Variants in VWF observed in about 807,000 individuals in gnomAD.
VWF encodes von Willebrand factor.
A neutral mutation model predicts 308.6 loss-of-function variants in VWF; 176 were observed. That is an observed-to-expected ratio of 0.57 (90% CI 0.50 to 0.65). The LOEUF is 0.65. VWF is among the 30% of genes least tolerant of loss of function. The pLI, the probability that VWF is intolerant of heterozygous loss-of-function variation, is 0.00. For missense variants in VWF, 3,146 were observed against 3,648.2 expected (o/e 0.86, Z 3.55); for synonymous variants, 1,385 against 1,443.4 (o/e 0.96, Z 0.92).
intron 17 of VWF, among the ~76,000 whole-genome samples, chr12:6,045,774 T>C (rs181426956): frequency 4.6e-5 from 7 of 152,294 alleles, no homozygotes; most frequent in Middle Eastern, 3.4e-3. Flanking sequence ...AAGCTGGAGA[T>C]TGAAGATAGC....
At chr12:6,001,070 C>T (rs149406151) in intron 34 of VWF, among the ~76,000 whole-genome samples, 68 of 152,076 alleles carry the variant, frequency 4.5e-4, no homozygotes, top group African/African-American at 1.3e-3. Context: ...TGGATAGCCA[C>T]AGGTAGAAGT....
chr12:6,059,108 A>G (rs1944627499), intron 13 of VWF, among the ~76,000 whole-genome samples: 1 of 152,188 alleles, frequency 6.6e-6, no homozygotes, highest in South Asian at 2.1e-4. Context: ...GCCCATAGAA[A>G]TCGAACCCAA....
At chr12:6,035,016 A>G (rs1167202690) in intron 19 of VWF, among the ~76,000 whole-genome samples, 190 bp from the exon 20 acceptor site, 1 of 152,142 alleles carries the variant, frequency 6.6e-6, no homozygotes, top group Non-Finnish European at 1.5e-5. Flanking sequence ...CCAGCAGGAG[A>G]CAGGGAAGCC....
intron 17 of VWF, among the ~76,000 whole-genome samples, chr12:6,045,185 A>G (rs1165502486): frequency 6.6e-6 from 1 of 152,204 alleles, no homozygotes; most frequent in Non-Finnish European, 1.5e-5. Context: ...ATCAATGGCT[A>G]ATTGGGTAAT....
chr12:6,017,670 G>A (rs1025130251), intron 28 of VWF, among the ~76,000 whole-genome samples: 19 of 152,082 alleles, frequency 1.2e-4, no homozygotes, highest in Admixed American at 1.1e-3. Flanking sequence ...AAGCAAGTAG[G>A]TGCTATTATT....
chr12:6,010,414 C>T (rs1224209602), intron 34 of VWF, among the ~76,000 whole-genome samples: 1 of 152,196 alleles, frequency 6.6e-6, no homozygotes. Flanking sequence ...TCCAGTTTTG[C>T]ACAACCACAT....
In VWF at chr12:6,020,556, A is replaced by G. The variant is rs114566093; in HGVS notation, c.3675-813T>C. Among the ~76,000 whole-genome samples the G allele has an allele frequency of 0.064, 9,748 of 152,324 alleles. 1,014 individuals are homozygous for G. The highest frequency in any genetic ancestry group is 0.22 in the African/African-American group (9,038 of 41,544). ...TCCTACACTACCATGCCAAATTTCC[A>G]GGCTCTGCTGGTAACATCACCTTTT... is the stretch of plus-strand genomic sequence containing the variant. On this transcript the variant is annotated intron_variant, in intron 27 of 51. Coordinates refer to ENST00000261405, the MANE Select transcript of VWF (RefSeq NM_000552.5). This position sits in a 1 kb window ranked among gnomAD's most constrained non-coding sequence, Gnocchi z 4.3.
rs758531765 is a variant in VWF at position 6,075,492 on chromosome 12, A to C, written c.717T>G (p.Pro239=). The change falls in exon 7 of 52, where the codon CCT becomes CCG. Residue 239 remains proline (P), a synonymous_variant. Transcript: ENST00000261405. This position sits in a 1 kb window ranked among gnomAD's most constrained non-coding sequence, Gnocchi z 4.7. ...KSTSVFARCH[P]LVDPEPFVAL... ...CCACAAAAGGCTCGGGGTCCACCAGAGGGTGGCAGCGGGCAAACACCGAGG... is the reference window on the plus strand; with the variant it reads ...CCACAAAAGGCTCGGGGTCCACCAGCGGGTGGCAGCGGGCAAACACCGAGG... 2 of 1,614,148 alleles carry C rather than the reference A, an allele frequency of 1.2e-6. No homozygotes were observed. Among genetic ancestry groups the C allele is most frequent in the South Asian group, 2.2e-5 (2 of 91,086 alleles).
chr12:6,056,780 G>A (rs1944583468), intron 15 of VWF, 77 bp downstream of exon 15: 1 of 1,229,040 alleles, frequency 8.1e-7, no homozygotes, highest in African/African-American at 1.6e-5. Context: ...AAACAACGCA[G>A]AGAAAGGGCT....
chr12:5,952,469 AT>A lies in VWF; in HGVS notation c.8036del (p.Asn2679MetfsTer31), dbSNP rs1943202705. ...DGCDTHFCKVNERGEYFWEKR... is the reference protein window; with the variant it reads ...DGCDTHFCKVXERGEYFWEKR... ...TCTCCCAGAAGTACTCTCCTCTCTCATTGACCTTGCAGAAGTGAGTATCACA... is the reference window on the plus strand; with the variant it reads ...TCTCCCAGAAGTACTCTCCTCTCTCATGACCTTGCAGAAGTGAGTATCACA... On this transcript the variant is annotated frameshift_variant, in exon 49 of 52. Coordinates refer to ENST00000261405, the MANE Select transcript of VWF (RefSeq NM_000552.5). LOFTEE classifies it high-confidence loss of function. 6.2e-7 allele frequency: 1 copy of A among 1,613,992 alleles called. No homozygotes were observed. Among genetic ancestry groups the A allele is most frequent in the African/African-American group, 1.3e-5 (1 of 74,920 alleles).
intron 3 of VWF, among the ~76,000 whole-genome samples, chr12:6,119,723 G>T (rs6489693): frequency 0.61 from 93,463 of 151,990 alleles, 29,024 homozygotes; most frequent in African/African-American, 0.67. Context: ...GCACCTGTAA[G>T]CCCAGCTACT....
Position 6,058,080 on chromosome 12 carries a change from C to T in VWF, c.1534-36G>A, listed in dbSNP as rs1426993716. 1 of 1,610,386 alleles carries T rather than the reference C, an allele frequency of 6.2e-7. No homozygotes were observed. The highest frequency in any genetic ancestry group is 8.5e-7 in the Non-Finnish European group (1 of 1,178,344). On this transcript the variant is annotated intron_variant, in intron 13 of 51. Transcript: ENST00000261405. This position sits in a 1 kb window ranked among gnomAD's most constrained non-coding sequence, Gnocchi z 4.9. Reference sequence around the variant, plus strand: ...GACCAGGCCACTCTGGAGCCGCTGCCGCGAAAGCAGCGGCATAGTTGTTTA... The same window carrying T: ...GACCAGGCCACTCTGGAGCCGCTGCTGCGAAAGCAGCGGCATAGTTGTTTA...
intron 47 of VWF, among the ~76,000 whole-genome samples, chr12:5,960,474 C>A (rs533660668): frequency 6.6e-6 from 1 of 152,218 alleles, no homozygotes; most frequent in African/African-American, 2.4e-5. Context: ...TTAGAAAACA[C>A]CACCATATTT....
intron 48 of VWF, among the ~76,000 whole-genome samples, chr12:5,953,248 A>G: frequency 6.6e-6 from 1 of 152,200 alleles, no homozygotes; most frequent in Non-Finnish European, 1.5e-5. Flanking sequence ...AAAAAGATCA[A>G]TCAACTCCAA....
chr12:6,023,920 A>G (rs1944162438), intron 24 of VWF, 133 bp from the exon 25 acceptor site: 3 of 942,112 alleles, frequency 3.2e-6, no homozygotes, highest in African/African-American at 1.7e-5. Context: ...ATGTAGCTCA[A>G]TGGTCTCAAA....
intron 6 of VWF, among the ~76,000 whole-genome samples, chr12:6,081,751 AT>A (rs921458106): frequency 3.5e-4 from 54 of 152,162 alleles, no homozygotes; most frequent in African/African-American, 1.3e-3. Flanking sequence ...GCTATTTGCA[AT>A]TTTTTCTCTC....
chr12:6,120,065 C>T (rs1213011876), intron 3 of VWF, among the ~76,000 whole-genome samples: 6 of 152,144 alleles, frequency 3.9e-5, no homozygotes, highest in African/African-American at 7.2e-5. Flanking sequence ...ATGCGGGGAG[C>T]TCATAGCTAT....
rs757035779 is a variant in VWF, at chr12:6,034,833, GC to G, written c.2547-8del. The G allele has an allele frequency of 2.5e-6, 4 of 1,613,800 alleles. No individual in the cohort carries two copies. In the East Asian group the frequency reaches 8.9e-5, roughly 36 times the overall value. On this transcript the variant is annotated splice_polypyrimidine_tract_variant and splice_region_variant and intron_variant, in intron 19 of 51. Transcript: ENST00000261405. ...CTTCCGGTCCTGACAGACACTAGGA[GC>G]AGTCATGGCAGAGATGACAAGTTGG...
At chr12:5,965,328 G>A (rs1943389912) in intron 47 of VWF, among the ~76,000 whole-genome samples, 1 of 152,070 alleles carries the variant, frequency 6.6e-6, no homozygotes, top group Admixed American at 6.5e-5. Flanking sequence ...TTCATCGACG[G>A]CTCGCAGCCC....
Sources: gnomAD v4.1 joint callset for allele counts (sites outside exome capture counted in the v4.1 genomes callset) on GRCh38, gnomAD v4.1.1 for gene constraint, Gnocchi (gnomAD v3.1) non-coding constraint, MANE v1.5 for transcripts, NCBI Gene and HGNC (gene_info 2026-07-23, HGNC 2026-07-21) for gene names.